CTIF: variants seen among roughly 807,000 people sequenced by gnomAD.
CTIF encodes the protein cap binding complex dependent translation initiation factor, also known as CBP80/20-dependent translation initiation factor.
CTIF carries 21 observed loss-of-function variants against 66.0 expected under a neutral mutation model. The ratio of observed to expected loss-of-function variants is 0.32; its 90% CI spans 0.23 to 0.46. The LOEUF is 0.46. Among genes scored for constraint, CTIF ranks in the 20% least tolerant of loss-of-function variants. The pLI, the probability that CTIF is intolerant of heterozygous loss-of-function variation, is 1.00. For missense variants in CTIF, 739 were observed against 812.7 expected, an observed-to-expected ratio of 0.91 and a Z score of 1.10; for synonymous variants, 345 against 326.4, an observed-to-expected ratio of 1.06 and a Z score of -0.62.
Position 48,862,142 on chromosome 18 carries a change from A to T in CTIF, c.*2583A>T, listed in dbSNP as rs762570618. On this transcript the variant is annotated 3_prime_UTR_variant, in exon 12 of 12. Coordinates refer to ENST00000256413, the MANE Select transcript of CTIF (RefSeq NM_014772.3). ...AGACTGCTCAGACAGGAACTGCAGGACAGAAGTGGATGCCCCACAGACCCT... is the reference window on the plus strand; with the variant it reads ...AGACTGCTCAGACAGGAACTGCAGGTCAGAAGTGGATGCCCCACAGACCCT... 9.9e-5 allele frequency: 15 copies of T among 152,156 alleles called. No individual in the cohort carries two copies. The highest frequency in any genetic ancestry group is 2.2e-4 in the Non-Finnish European group (15 of 68,020). The allele number at this position is 152,156 out of a possible 1,614,324, so 9.4% of individuals were successfully genotyped here. A position where few individuals can be genotyped will look rare whatever the true frequency, so the allele number is the denominator to read the frequency against.
At chr18:48,794,839 G>A (rs906959884) in intron 9 of CTIF, among the ~76,000 whole-genome samples, 4 of 152,206 alleles carry the variant, frequency 2.6e-5, no homozygotes, top group Non-Finnish European at 4.4e-5. Flanking sequence ...TATTGCATTC[G>A]AGTCAGCACC....
At chr18:48,724,877 C>T (rs888832794) in intron 7 of CTIF, among the ~76,000 whole-genome samples, 3 of 152,230 alleles carry the variant, frequency 2.0e-5, no homozygotes, top group Admixed American at 6.5e-5. Flanking sequence ...CATTGACACC[C>T]GCCTGCAGGA....
intron 1 of CTIF, among the ~76,000 whole-genome samples, chr18:48,556,189 T>A (rs752029252): frequency 1.3e-5 from 2 of 152,156 alleles, no homozygotes; most frequent in Non-Finnish European, 2.9e-5. Flanking sequence ...CTCAGCAGCA[T>A]CTCTGCCTTA....
intron 5 of CTIF, among the ~76,000 whole-genome samples, chr18:48,669,061 T>C (rs2091480721): frequency 6.6e-6 from 1 of 152,160 alleles, no homozygotes; most frequent in Non-Finnish European, 1.5e-5. Flanking sequence ...CCAGGGCGCC[T>C]CTGGCCATAG....
At chr18:48,853,598 T>A (rs753700455) in intron 10 of CTIF, among the ~76,000 whole-genome samples, 4 of 152,244 alleles carry the variant, frequency 2.6e-5, no homozygotes, top group Non-Finnish European at 4.4e-5. Context: ...GTGTATCTGC[T>A]GCAAACCCAG....
chr18:48,766,149 A>G (rs1293763527), intron 9 of CTIF, among the ~76,000 whole-genome samples: 12 of 135,444 alleles, frequency 8.9e-5, no homozygotes, highest in Middle Eastern at 4.9e-3. Flanking sequence ...TGTGCCAAGC[A>G]TGTTGTCTTT....
chr18:48,813,003 C>T (rs11665322), intron 9 of CTIF, among the ~76,000 whole-genome samples: 102 of 104,760 alleles, frequency 9.7e-4, no homozygotes, highest in Admixed American at 1.3e-3. Flanking sequence ...TATCGTTTTT[C>T]TTTTTGTTTC....
rs2069433970 is a variant in CTIF, at chr18:48,860,240, A to G, written c.*681A>G. On this transcript the variant is annotated 3_prime_UTR_variant, in exon 12 of 12. Coordinates refer to ENST00000256413, the MANE Select transcript of CTIF (RefSeq NM_014772.3). Reference sequence around the variant, plus strand: ...AGATGGAGTTTGCAGTTCCACTTGCACTCTTTTGTTTATTGTGTTTTATTT... The same window carrying G: ...AGATGGAGTTTGCAGTTCCACTTGCGCTCTTTTGTTTATTGTGTTTTATTT... The G allele has an allele frequency of 6.3e-6, 2 of 319,562 alleles. No individual in the cohort carries two copies. Among genetic ancestry groups the G allele is most frequent in the South Asian group, 2.7e-5 (1 of 37,246 alleles). The allele number at this position is 319,562 out of a possible 1,614,324, so 19.8% of individuals were successfully genotyped here.
Position 48,844,556 on chromosome 18 carries a change from G to T in CTIF, c.1528-13032G>T, listed in dbSNP as rs368948880. Among the ~76,000 whole-genome samples, 7 of 152,208 alleles carry T rather than the reference G, an allele frequency of 4.6e-5. No homozygotes were observed. In the South Asian group the frequency reaches 6.2e-4, roughly 14 times the overall value. On this transcript the variant is annotated intron_variant, in intron 10 of 11. Coordinates refer to ENST00000256413, the MANE Select transcript of CTIF (RefSeq NM_014772.3). The stretch of plus-strand genomic sequence containing the variant: ...GGAGGCTAATTATTCCCTCTGGGGC[G>T]CCTGGTCCGCAGCTAGGGTGCCCGC...
chr18:48,799,395 TTTCACTAGAGCATTTGGATCTC>T (rs1207428873), intron 9 of CTIF, among the ~76,000 whole-genome samples: 3 of 152,192 alleles, frequency 2.0e-5, no homozygotes, highest in Non-Finnish European at 2.9e-5. Context: ...ATTTCTGGTC[TTTCACTAGAGCATTTGGATCTC>T]TGTGCTCCTC....
At chr18:48,714,158 A>G (rs1296499957) in intron 7 of CTIF, among the ~76,000 whole-genome samples, 2 of 152,214 alleles carry the variant, frequency 1.3e-5, no homozygotes, top group Non-Finnish European at 2.9e-5. Context: ...CTTCCCAGCT[A>G]ATGACCCATA....
chr18:48,663,929 G>A, intron 4 of CTIF, 104 bp downstream of exon 4: 3 of 1,044,138 alleles, frequency 2.9e-6, no homozygotes, highest in African/African-American at 1.6e-5. Context: ...AAGAGGCAGA[G>A]AGAAGCAGAG....
At chr18:48,694,906 A>G (rs1046378262) in intron 6 of CTIF, among the ~76,000 whole-genome samples, 3 of 152,244 alleles carry the variant, frequency 2.0e-5, no homozygotes, top group African/African-American at 4.8e-5. Context: ...ATTTTTCTGC[A>G]TGCAAGCAGC....
chr18:48,736,926 C>A (rs903121836), intron 7 of CTIF, among the ~76,000 whole-genome samples: 2 of 152,170 alleles, frequency 1.3e-5, no homozygotes, highest in Non-Finnish European at 2.9e-5. Context: ...GTTCACACAG[C>A]CGTGAACTCC....
intron 9 of CTIF, among the ~76,000 whole-genome samples, chr18:48,801,195 C>A (rs1264635102): frequency 6.6e-6 from 1 of 152,222 alleles, no homozygotes; most frequent in African/African-American, 2.4e-5. Flanking sequence ...GGGGCCCATT[C>A]AGACAGAGCC....
rs1393421122 is a variant in CTIF, at chr18:48,761,778, CCA to C, written c.1371+92_1371+93del. ...CTAGCGAGAAGGCTGCGAGTTCTGG[CCA>C]CAGTTGGACTTTTCCCAAGTTCCGC... is the stretch of plus-strand genomic sequence containing the variant. On this transcript the variant is annotated intron_variant, in intron 9 of 11. Transcript: ENST00000256413. This position sits in a 1 kb window ranked among gnomAD's most constrained non-coding sequence, Gnocchi z 4.2. 48 of 1,321,890 alleles carry C rather than the reference CCA, an allele frequency of 3.6e-5. No individual in the cohort carries two copies. Among genetic ancestry groups the C allele is most frequent in the Middle Eastern group, 5.2e-4 (2 of 3,858 alleles). 81.9% of individuals were successfully genotyped at this position (1,321,890 alleles called of 1,614,324 possible).
intron 9 of CTIF, among the ~76,000 whole-genome samples, chr18:48,788,867 G>A (rs552281123): frequency 2.6e-5 from 4 of 152,278 alleles, no homozygotes; most frequent in South Asian, 2.1e-4. Flanking sequence ...CAGTGGACAC[G>A]GATGCTAGAA....
chr18:48,596,386 C>T (rs1264390702), intron 1 of CTIF, among the ~76,000 whole-genome samples: 2 of 152,126 alleles, frequency 1.3e-5, no homozygotes, highest in African/African-American at 4.8e-5. Flanking sequence ...CCATTCATCA[C>T]ATCCACAATC....
chr18:48,572,542 G>A (rs781406744), intron 1 of CTIF, among the ~76,000 whole-genome samples: 1 of 152,208 alleles, frequency 6.6e-6, no homozygotes, highest in Non-Finnish European at 1.5e-5. Context: ...GTAGGAGCTA[G>A]AAGCAGAATC....
Sources: gnomAD v4.1 joint callset for allele counts (sites outside exome capture counted in the v4.1 genomes callset) on GRCh38, gnomAD v4.1.1 for gene constraint, Gnocchi (gnomAD v3.1) non-coding constraint, MANE v1.5 for transcripts, NCBI Gene and HGNC (gene_info 2026-07-23, HGNC 2026-07-21) for gene names.